The following VOPP1 variants were observed in gnomAD, a reference collection of about 807,000 sequenced individuals.
VOPP1 encodes WW domain binding protein VOPP1.
VOPP1 carries 8 observed loss-of-function variants against 23.5 expected under a neutral mutation model. That is an observed-to-expected ratio of 0.34 (90% CI 0.20 to 0.61). The LOEUF (loss-of-function observed/expected upper bound fraction) is 0.61, where lower values mean the gene tolerates loss of function less well. VOPP1 is among the 20% of genes least tolerant of loss of function. VOPP1 has a pLI of 0.78. For synonymous variants in VOPP1, 83 were observed against 97.3 expected, an observed-to-expected ratio of 0.85 and a Z score of 0.86; for missense variants, 174 against 238.1, an observed-to-expected ratio of 0.73 and a Z score of 1.77.
At chr7:55,571,495 A>T (rs1485001969) in intron 1 of VOPP1, among the ~76,000 whole-genome samples, 9 of 152,216 alleles carry the variant, frequency 5.9e-5, no homozygotes, top group Admixed American at 5.9e-4. Context: ...TGGACACCCC[A>T]GAATTCCTCT....
intron 3 of VOPP1, among the ~76,000 whole-genome samples, chr7:55,494,861 T>G (rs1583912121): frequency 6.6e-6 from 1 of 150,874 alleles, no homozygotes; most frequent in Non-Finnish European, 1.5e-5. Context: ...GAGAGAGGAG[T>G]AGTAGTAAGA....
At chr7:55,496,032 C>T (rs1793926833) in intron 3 of VOPP1, among the ~76,000 whole-genome samples, 1 of 152,214 alleles carries the variant, frequency 6.6e-6, no homozygotes, top group South Asian at 2.1e-4. Context: ...CTAGGAAGCA[C>T]CTGGCTGCCA....
chr7:55,555,303 G>A (rs992787999), intron 1 of VOPP1, among the ~76,000 whole-genome samples: 2 of 152,158 alleles, frequency 1.3e-5, no homozygotes, highest in African/African-American at 4.8e-5. Flanking sequence ...CAGCTCAATC[G>A]CTGGCCCCAG....
intron 1 of VOPP1, among the ~76,000 whole-genome samples, chr7:55,523,353 A>C (rs1795987932): frequency 6.6e-6 from 1 of 152,232 alleles, no homozygotes; most frequent in African/African-American, 2.4e-5. Context: ...TATCCCATAA[A>C]TATGTACAAT....
chr7:55,474,578 C>A (rs1792092585), intron 4 of VOPP1, among the ~76,000 whole-genome samples: 1 of 152,124 alleles, frequency 6.6e-6, no homozygotes, highest in Non-Finnish European at 1.5e-5. Flanking sequence ...CAATAAGGGC[C>A]CCCCAACAGG....
chr7:55,439,050 A>G (rs1232341969), intron 4 of VOPP1, among the ~76,000 whole-genome samples: 2 of 152,122 alleles, frequency 1.3e-5, no homozygotes, highest in East Asian at 3.9e-4. Context: ...ACGCACATTG[A>G]GTTCAAGGTG....
At chr7:55,521,729 C>G (rs915548151) in intron 1 of VOPP1, 2 of 981,426 alleles carry the variant, frequency 2.0e-6, no homozygotes, top group African/African-American at 1.8e-5. Flanking sequence ...CCCAGCCCCA[C>G]AGGGCAGGGC....
At chr7:55,554,631 G>C (rs1455381578) in intron 1 of VOPP1, among the ~76,000 whole-genome samples, 1 of 152,188 alleles carries the variant, frequency 6.6e-6, no homozygotes, top group Non-Finnish European at 1.5e-5. Context: ...TCCTGGATGG[G>C]AGGCAGTGCC....
intron 4 of VOPP1, among the ~76,000 whole-genome samples, chr7:55,465,136 G>A (rs1791601536): frequency 6.6e-6 from 1 of 152,184 alleles, no homozygotes; most frequent in Admixed American, 6.5e-5. Flanking sequence ...CACTTGTTAT[G>A]TGATTGTTCA....
chr7:55,557,133 C>A (rs985684321), intron 1 of VOPP1, among the ~76,000 whole-genome samples: 2 of 152,190 alleles, frequency 1.3e-5, no homozygotes, highest in African/African-American at 4.8e-5. Flanking sequence ...TTTAAATGCT[C>A]TTTAAATCAT....
intron 1 of VOPP1, among the ~76,000 whole-genome samples, chr7:55,537,324 T>C (rs933193490): frequency 6.6e-6 from 1 of 152,190 alleles, no homozygotes; most frequent in Non-Finnish European, 1.5e-5. Flanking sequence ...CAGCTGGCAC[T>C]CTGCCCCCAC....
intron 4 of VOPP1, among the ~76,000 whole-genome samples, chr7:55,473,786 G>A (rs977861708): frequency 6.6e-6 from 1 of 152,242 alleles, no homozygotes; most frequent in Non-Finnish European, 1.5e-5. Context: ...TGAAAGTGCT[G>A]GGTGTTCCCT....
intron 4 of VOPP1, among the ~76,000 whole-genome samples, chr7:55,451,388 A>C (rs1791239180): frequency 6.6e-6 from 1 of 152,210 alleles, no homozygotes; most frequent in African/African-American, 2.4e-5. Flanking sequence ...GAGTCATACA[A>C]ATTTTTGGTT....
intron 1 of VOPP1, among the ~76,000 whole-genome samples, chr7:55,569,623 T>C (rs1209931738): frequency 6.6e-6 from 1 of 152,182 alleles, no homozygotes; most frequent in African/African-American, 2.4e-5. Context: ...GCTAGCAGGA[T>C]TAATGAGATA....
chr7:55,464,082 G>C (rs1192309302), intron 4 of VOPP1, among the ~76,000 whole-genome samples: 1 of 152,198 alleles, frequency 6.6e-6, no homozygotes, highest in Non-Finnish European at 1.5e-5. Context: ...AGGCTGTGGT[G>C]GGTTGAACAG....
rs969837509 is a variant in VOPP1, at chr7:55,471,762, T to A, written c.*1093A>T. On this transcript the variant is annotated 3_prime_UTR_variant, in exon 5 of 5. Coordinates refer to ENST00000285279, the MANE Select transcript of VOPP1 (RefSeq NM_030796.5). ...ATGGTCAGTGCAGTTGAGTCAGTAC[T>A]TCTCCTGTCTTTTCCCAGCAAGCTC... 6.6e-6 allele frequency: 1 copy of A among 151,678 alleles called. No homozygotes were observed. The highest frequency in any genetic ancestry group is 2.4e-5 in the African/African-American group (1 of 41,134). 9.4% of individuals were successfully genotyped at this position (151,678 alleles called of 1,614,324 possible).
intron 4 of VOPP1, among the ~76,000 whole-genome samples, chr7:55,478,544 G>A (rs1445309040): frequency 1.3e-5 from 2 of 152,170 alleles, no homozygotes; most frequent in Non-Finnish European, 1.5e-5. Flanking sequence ...CTCTCCCAAG[G>A]AGAATGGTTT....
At chr7:55,437,520 T>G (rs1790861548) in intron 4 of VOPP1, among the ~76,000 whole-genome samples, 1 of 152,252 alleles carries the variant, frequency 6.6e-6, no homozygotes, top group Non-Finnish European at 1.5e-5. Context: ...GTATTTGATC[T>G]TGCTTTGTAT....
intron 2 of VOPP1, 119 bp downstream of exon 2, chr7:55,520,953 C>T (rs1268192299): frequency 6.6e-6 from 7 of 1,061,208 alleles, no homozygotes; most frequent in Middle Eastern, 2.1e-4. Flanking sequence ...AGCCTGGCAC[C>T]GCAGCAGAGG....
Sources: allele counts gnomAD v4.1 joint callset (sites outside exome capture counted in the v4.1 genomes callset), GRCh38; gene constraint gnomAD v4.1.1; transcripts MANE v1.5; gene names NCBI Gene and HGNC (gene_info 2026-07-23, HGNC 2026-07-21).